The following XKR9 variants were observed in gnomAD, a reference collection of about 807,000 sequenced individuals.
The protein encoded by XKR9 is XK-related protein 9.
XKR9 carries 32 observed loss-of-function variants against 32.0 expected under a neutral mutation model. The ratio of observed to expected loss-of-function variants is 1.00; its 90% CI spans 0.76 to 1.34. XKR9 has a LOEUF of 1.34. Among genes scored for constraint, XKR9 ranks in the 40% most tolerant of loss-of-function variants. XKR9 has a pLI of 0.00. For synonymous variants in XKR9, 168 were observed against 143.4 expected, an observed-to-expected ratio of 1.17 and a Z score of -1.22; for missense variants, 546 against 429.7, an observed-to-expected ratio of 1.27 and a Z score of -2.39.
chr8:70,943,675 G>A, the XKR9 span, among the ~76,000 whole-genome samples: 533 of 152,130 alleles, frequency 3.5e-3, 4 homozygotes, highest in African/African-American at 0.012. Flanking sequence ...CTTGAGGAAA[G>A]AAATTCTAAG....
At chr8:70,806,174 G>A in the XKR9 span, among the ~76,000 whole-genome samples, 1 of 152,106 alleles carries the variant, frequency 6.6e-6, no homozygotes, top group Non-Finnish European at 1.5e-5. Flanking sequence ...TACAGAAGAG[G>A]GACCTGACCA....
At chr8:70,997,963 C>G in the XKR9 span, among the ~76,000 whole-genome samples, 4 of 152,096 alleles carry the variant, frequency 2.6e-5, no homozygotes, top group Non-Finnish European at 5.9e-5. Flanking sequence ...AGAAATTCCC[C>G]CTACCCACCT....
the XKR9 span, among the ~76,000 whole-genome samples, chr8:70,933,226 A>G: frequency 6.6e-6 from 1 of 152,152 alleles, no homozygotes; most frequent in Non-Finnish European, 1.5e-5. Flanking sequence ...AGATGCTTTT[A>G]GGTTAGGGAT....
the XKR9 span, among the ~76,000 whole-genome samples, chr8:71,018,103 T>C: frequency 6.6e-6 from 1 of 152,200 alleles, no homozygotes; most frequent in South Asian, 2.1e-4. Flanking sequence ...TAAAGTTTTC[T>C]TATGTCACTT....
the XKR9 span, among the ~76,000 whole-genome samples, chr8:70,923,613 A>G: frequency 1.3e-5 from 2 of 152,206 alleles, no homozygotes; most frequent in Non-Finnish European, 2.9e-5. Flanking sequence ...AGACGTTTCA[A>G]CCACAGTGGG....
chr8:71,049,117 T>C, the XKR9 span, among the ~76,000 whole-genome samples: 1 of 152,222 alleles, frequency 6.6e-6, no homozygotes, highest in African/African-American at 2.4e-5. Flanking sequence ...TATATATTTT[T>C]GAGTGGTGCC....
the XKR9 span, among the ~76,000 whole-genome samples, chr8:70,960,914 A>G: frequency 6.6e-6 from 1 of 152,110 alleles, no homozygotes; most frequent in East Asian, 1.9e-4. Context: ...GCACCGTGTA[A>G]TCTCCAGCAT....
the XKR9 span, among the ~76,000 whole-genome samples, chr8:70,869,848 A>G: frequency 6.6e-6 from 1 of 152,206 alleles, no homozygotes. Context: ...CTTATTATAT[A>G]GTACCTTAGG....
At chr8:70,900,184 C>T in the XKR9 span, among the ~76,000 whole-genome samples, 1 of 151,902 alleles carries the variant, frequency 6.6e-6, no homozygotes, top group Non-Finnish European at 1.5e-5. Flanking sequence ...ACTCCCAAAC[C>T]CTTAATAGAG....
At chr8:70,756,506 T>G (rs1317449619) in intron 2 of XKR9, among the ~76,000 whole-genome samples, 6 of 152,198 alleles carry the variant, frequency 3.9e-5, no homozygotes, top group Non-Finnish European at 2.9e-5. Context: ...ACATGAGATG[T>G]TTTTCCATTT....
chr8:71,060,010 T>C, the XKR9 span, among the ~76,000 whole-genome samples: 2 of 152,198 alleles, frequency 1.3e-5, no homozygotes, highest in East Asian at 3.9e-4. Flanking sequence ...CTTAGGAAAT[T>C]ATTCAGTTCT....
chr8:70,719,607 A>G (rs1806207832), intron 4 of XKR9, among the ~76,000 whole-genome samples: 1 of 151,924 alleles, frequency 6.6e-6, no homozygotes, highest in Non-Finnish European at 1.5e-5. Flanking sequence ...ATGGTTGTAG[A>G]CCTGTGGTGT....
downstream of XKR9, among the ~76,000 whole-genome samples, chr8:70,791,848 A>G (rs1807767933): frequency 6.6e-6 from 1 of 152,128 alleles, no homozygotes; most frequent in Non-Finnish European, 1.5e-5. Context: ...AAAATTTATT[A>G]GGGTTTACTA....
At chr8:71,044,915 C>T in the XKR9 span, among the ~76,000 whole-genome samples, 72 of 152,230 alleles carry the variant, frequency 4.7e-4, no homozygotes, top group South Asian at 3.5e-3. Flanking sequence ...GAAATGTAAG[C>T]AGAAATTCTG....
the XKR9 span, among the ~76,000 whole-genome samples, chr8:70,848,575 A>G: frequency 5.9e-5 from 9 of 152,234 alleles, no homozygotes; most frequent in African/African-American, 2.2e-4. Context: ...GTTGGAAGTA[A>G]TAAATACAGT....
At chr8:70,908,896 G>A in the XKR9 span, among the ~76,000 whole-genome samples, 3 of 152,158 alleles carry the variant, frequency 2.0e-5, no homozygotes, top group Non-Finnish European at 1.5e-5. Flanking sequence ...AAACCTAAGA[G>A]TCATATGTGG....
chr8:70,955,296 G>A, the XKR9 span, among the ~76,000 whole-genome samples: 2 of 152,168 alleles, frequency 1.3e-5, no homozygotes, highest in African/African-American at 2.4e-5. Flanking sequence ...GAAGGCCTTT[G>A]CTTGGTTCAG....
downstream of XKR9, among the ~76,000 whole-genome samples, chr8:70,739,515 G>A (rs888575807): frequency 6.6e-6 from 1 of 152,164 alleles, no homozygotes; most frequent in African/African-American, 2.4e-5. Context: ...TCATTATGAT[G>A]TTAGCTGGTT....
chr8:70,884,892 C>T, the XKR9 span, among the ~76,000 whole-genome samples: 1 of 152,108 alleles, frequency 6.6e-6, no homozygotes, highest in Admixed American at 6.6e-5. Context: ...AATTTACAAT[C>T]CGTTTGTTGA....
Sources: gnomAD v4.1 joint callset for allele counts (sites outside exome capture counted in the v4.1 genomes callset) on GRCh38, gnomAD v4.1.1 for gene constraint, MANE v1.5 for transcripts, NCBI Gene and HGNC (gene_info 2026-07-23, HGNC 2026-07-21) for gene names.